The following NR5A2 variants were observed in gnomAD, a reference collection of about 807,000 sequenced individuals.
NR5A2 encodes CYP7A promoter-binding factor.
A neutral mutation model predicts 62.7 loss-of-function variants in NR5A2; 26 were observed. The observed-to-expected ratio is 0.41, with a 90% CI of 0.30 to 0.58. The LOEUF is 0.58. NR5A2 is among the 20% of genes least tolerant of loss of function. NR5A2 has a pLI of 0.22. For synonymous variants in NR5A2, 246 were observed against 241.7 expected, an observed-to-expected ratio of 1.02 and a Z score of -0.16; for missense variants, 541 against 669.1, an observed-to-expected ratio of 0.81 and a Z score of 2.11.
At chr1:200,096,256 T>C (rs1464318200) in intron 5 of NR5A2, among the ~76,000 whole-genome samples, 1 of 151,984 alleles carries the variant, frequency 6.6e-6, no homozygotes, top group East Asian at 1.9e-4. Context: ...CCTGACTAAT[T>C]TTTGTATTTT....
chr1:200,126,297 C>T (rs1402388669), intron 7 of NR5A2, among the ~76,000 whole-genome samples: 2 of 152,112 alleles, frequency 1.3e-5, no homozygotes, highest in African/African-American at 2.4e-5. Context: ...TATGGTTGTT[C>T]TGGTTTTCTC....
Position 200,048,719 on chromosome 1 carries a change from A to T in NR5A2, c.1011A>T (p.Glu337Asp), listed in dbSNP as rs142287973. The T allele has an allele frequency of 1.2e-6, 2 of 1,614,220 alleles. No individual in the cohort carries two copies. Among genetic ancestry groups the T allele is most frequent in the African/African-American group, 1.3e-5 (1 of 75,056 alleles). ...QQEQANRSKH[E>D]KLSTFGLMCK... ...AGCAGGCTAACCGAAGCAAGCACGAAAAGCTGAGCACCTTTGGGCTTATGT... is the reference window on the plus strand; with the variant it reads ...AGCAGGCTAACCGAAGCAAGCACGATAAGCTGAGCACCTTTGGGCTTATGT... The change falls in exon 5 of 8, where the codon GAA becomes GAT. Residue 337 changes from glutamate (E) to aspartate (D), a missense_variant. Transcript: ENST00000367362. The surrounding 1 kb of genome is among the most constrained non-coding windows in gnomAD (Gnocchi z 4.8).
chr1:200,105,345 G>A (rs998076530), intron 5 of NR5A2, among the ~76,000 whole-genome samples: 17 of 152,068 alleles, frequency 1.1e-4, no homozygotes, highest in African/African-American at 3.1e-4. Context: ...GATTCTACAA[G>A]TTAAAACCTG....
Position 200,174,436 on chromosome 1 carries a change from C to T in NR5A2, c.*226C>T, listed in dbSNP as rs1654330244. The T allele has an allele frequency of 5.4e-6, 2 of 367,506 alleles. No homozygotes were observed. The highest frequency in any genetic ancestry group is 9.1e-5 in the Admixed American group (2 of 21,986). The allele number at this position is 367,506 out of a possible 1,614,324, so 22.8% of individuals were successfully genotyped here. On this transcript the variant is annotated 3_prime_UTR_variant, in exon 8 of 8. Transcript: ENST00000367362. ...ATTGCAAACTGTGAATCAAAGGCTT[C>T]ACAGCCCCAGAGGATTCCATATAAA...
chr1:200,039,792 C>T lies in NR5A2; in HGVS notation c.199C>T (p.Gln67Ter). ...ACAGGGCCAGATGCCGGAAAACATG[C>T]AAGGTAAGGAGGCGCCGCGCGGCGC... ...GEQGQMPENM[Q>*]VSQFKMVNYS... Residue 67 changes from glutamine to a stop codon, truncating the protein, a stop_gained, in exon 2 of 8, where the codon CAA (glutamine) becomes TAA (stop). Transcript: ENST00000367362. LOFTEE classifies it high-confidence loss of function. This position sits in a 1 kb window ranked among gnomAD's most constrained non-coding sequence, Gnocchi z 5.1. The T allele has an allele frequency of 6.2e-7, 1 of 1,600,376 alleles. No homozygotes were observed. Among genetic ancestry groups the T allele is most frequent in the Non-Finnish European group, 8.5e-7 (1 of 1,174,160 alleles).
chr1:200,141,481 A>G (rs1345828642), intron 7 of NR5A2, among the ~76,000 whole-genome samples: 1 of 152,248 alleles, frequency 6.6e-6, no homozygotes, highest in Non-Finnish European at 1.5e-5. Context: ...TGGTATGGAT[A>G]TACCACAGTT....
At chr1:200,034,466 G>T (rs1194337140) in intron 1 of NR5A2, among the ~76,000 whole-genome samples, 2 of 152,172 alleles carry the variant, frequency 1.3e-5, no homozygotes, top group East Asian at 1.9e-4. Context: ...TTGGGACAAC[G>T]TGCTGTAAAG....
intron 1 of NR5A2, among the ~76,000 whole-genome samples, chr1:200,032,563 A>G (rs529609691): frequency 6.6e-6 from 1 of 152,224 alleles, no homozygotes; most frequent in Non-Finnish European, 1.5e-5. Context: ...TAGCAAGCAC[A>G]TCCCACTGGA....
At chr1:200,047,657 A>T (rs1571711235) in intron 4 of NR5A2, among the ~76,000 whole-genome samples, 1 of 150,114 alleles carries the variant, frequency 6.7e-6, no homozygotes, top group Admixed American at 6.7e-5. Context: ...GCTCACTGCA[A>T]CCTCCACTTC....
chr1:200,164,799 T>G (rs1445894340), intron 7 of NR5A2, among the ~76,000 whole-genome samples: 1 of 149,606 alleles, frequency 6.7e-6, no homozygotes, highest in Non-Finnish European at 1.5e-5. Context: ...CCACCCGCCT[T>G]GGCCTCTCAA....
intron 5 of NR5A2, among the ~76,000 whole-genome samples, chr1:200,057,202 T>C (rs1662954967): frequency 6.6e-6 from 1 of 152,244 alleles, no homozygotes; most frequent in African/African-American, 2.4e-5. Flanking sequence ...GCATTTTCCT[T>C]GCTCTGCTCT....
At chr1:200,098,585 A>G (rs1665211153) in intron 5 of NR5A2, among the ~76,000 whole-genome samples, 1 of 151,178 alleles carries the variant, frequency 6.6e-6, no homozygotes, top group South Asian at 2.1e-4. Context: ...TGTTTCTGGC[A>G]CCTGAGTAGC....
At chr1:200,076,572 T>C (rs1467207949) in intron 5 of NR5A2, among the ~76,000 whole-genome samples, 1 of 152,174 alleles carries the variant, frequency 6.6e-6, no homozygotes, top group African/African-American at 2.4e-5. Context: ...TCATTTTTTG[T>C]CCTGTACTTC....
At chr1:200,125,020 T>C (rs1422069446) in intron 7 of NR5A2, among the ~76,000 whole-genome samples, 1 of 152,242 alleles carries the variant, frequency 6.6e-6, no homozygotes, top group African/African-American at 2.4e-5. Flanking sequence ...CAAATACAGG[T>C]TATTTTTCAG....
At position 200,175,703 on chromosome 1, in the gene NR5A2, T is replaced by A. The variant is rs1054166864; in HGVS notation, c.*1493T>A. ...ATAGCAAAAGCGGTAATTTCCTTAA[T>A]GTTATTTTTCTGATTGGTAATTATT... On this transcript the variant is annotated 3_prime_UTR_variant, in exon 8 of 8. Coordinates refer to ENST00000367362, the MANE Select transcript of NR5A2 (RefSeq NM_205860.3). 2.0e-5 allele frequency: 3 copies of A among 152,606 alleles called. No homozygotes were observed. Among genetic ancestry groups the A allele is most frequent in the Non-Finnish European group, 4.4e-5 (3 of 68,036 alleles). The allele number at this position is 152,606 out of a possible 1,614,324, so 9.5% of individuals were successfully genotyped here.
intron 5 of NR5A2, among the ~76,000 whole-genome samples, chr1:200,055,488 C>T (rs1331253332): frequency 6.6e-6 from 1 of 152,182 alleles, no homozygotes; most frequent in Non-Finnish European, 1.5e-5. Flanking sequence ...TGTGCCCAGC[C>T]AGCCCTACTT....
chr1:200,034,072 G>A (rs79237091), intron 1 of NR5A2, among the ~76,000 whole-genome samples: 1,626 of 152,238 alleles, frequency 0.011, 30 homozygotes, highest in African/African-American at 0.034. Context: ...CAGTATCGCC[G>A]GATACATTTA....
chr1:200,129,174 A>G (rs73082670), intron 7 of NR5A2, among the ~76,000 whole-genome samples: 1,728 of 152,284 alleles, frequency 0.011, 36 homozygotes, highest in African/African-American at 0.04. Context: ...CCCAGAGCTT[A>G]TAACTCCAGC....
intron 1 of NR5A2, among the ~76,000 whole-genome samples, chr1:200,028,678 A>G (rs771997722): frequency 3.3e-5 from 5 of 152,218 alleles, no homozygotes; most frequent in Non-Finnish European, 7.3e-5. Flanking sequence ...GTTGGAAGTC[A>G]GGCCCTTCTG....
Sources: allele counts gnomAD v4.1 joint callset (sites outside exome capture counted in the v4.1 genomes callset), GRCh38; gene constraint gnomAD v4.1.1; non-coding constraint Gnocchi (gnomAD v3.1); transcripts MANE v1.5; gene names NCBI Gene and HGNC (gene_info 2026-07-23, HGNC 2026-07-21).